The following IDE variants were observed in gnomAD, a reference collection of about 807,000 sequenced individuals.
IDE encodes insulin degrading enzyme.
A neutral mutation model predicts 133.2 loss-of-function variants in IDE; 58 were observed. The ratio of observed to expected loss-of-function variants is 0.44; its 90% CI spans 0.35 to 0.54. IDE has a LOEUF of 0.54. Among genes scored for constraint, IDE ranks in the 20% least tolerant of loss-of-function variants. IDE has a pLI of 0.00. For missense variants in IDE, 981 were observed against 1,234.0 expected (o/e 0.79, Z 3.07); for synonymous variants, 396 against 421.3 (o/e 0.94, Z 0.73).
intron 4 of IDE, among the ~76,000 whole-genome samples, chr10:92,530,032 C>A (rs1380472213): frequency 2.4e-4 from 37 of 151,986 alleles, no homozygotes. Context: ...TTGAGACCAG[C>A]CTGACCAACA....
At chr10:92,476,044 C>A in intron 15 of IDE, 50 bp from the exon 16 acceptor site, 1 of 760,410 alleles carries the variant, frequency 1.3e-6, no homozygotes, top group East Asian at 2.7e-5. Flanking sequence ...CACAAAACAA[C>A]TTCCAAATAA....
chr10:92,573,780 A>G (rs914175749), intron 1 of IDE, 142 bp downstream of exon 1: 41 of 598,310 alleles, frequency 6.9e-5, no homozygotes, highest in Non-Finnish European at 9.7e-5. Flanking sequence ...TCAGCGCGGC[A>G]GTACGGGCCC....
At chr10:92,559,803 T>C (rs2135800674) in intron 1 of IDE, among the ~76,000 whole-genome samples, 1 of 150,294 alleles carries the variant, frequency 6.7e-6, no homozygotes, top group African/African-American at 2.5e-5. Context: ...AATGGTGTAA[T>C]CATGGCTCAT....
At chr10:92,538,342 ACATAGGGAACAACTCC>A (rs1343805487) in intron 1 of IDE, among the ~76,000 whole-genome samples, 3 of 152,254 alleles carry the variant, frequency 2.0e-5, no homozygotes, top group Admixed American at 6.5e-5. Flanking sequence ...CATGCTCAGA[ACATAGGGAACAACTCC>A]CATAGGGAAC....
chr10:92,492,971 T>C (rs577815497), intron 11 of IDE, among the ~76,000 whole-genome samples: 5 of 152,318 alleles, frequency 3.3e-5, no homozygotes, highest in African/African-American at 1.2e-4. Flanking sequence ...CTTCCAGCTG[T>C]AGGTGTTCCT....
At chr10:92,513,936 A>G (rs2135564582) in intron 5 of IDE, among the ~76,000 whole-genome samples, 1 of 152,296 alleles carries the variant, frequency 6.6e-6, no homozygotes, top group South Asian at 2.1e-4. Flanking sequence ...TACTATAAAG[A>G]AAAAGCAGGT....
At position 92,455,562 on chromosome 10, in the gene IDE, G is replaced by A. The variant is rs780078518; in HGVS notation, c.2964+14C>T. ...CTCTGTCAGTACAATCTAACATAAC[G>A]TTATATTTCTTACTTGTGGCAAGGC... On this transcript the variant is annotated intron_variant, in intron 24 of 24. Transcript: ENST00000265986. The A allele has an allele frequency of 9.4e-5, 140 of 1,492,500 alleles. No homozygotes were observed. Among genetic ancestry groups the A allele is most frequent in the South Asian group, 4.3e-4 (38 of 88,158 alleles). The allele number at this position is 1,492,500 out of a possible 1,614,324, so 92.5% of individuals were successfully genotyped here.
chr10:92,479,450 C>G (rs762605156), intron 14 of IDE, 29 bp from the exon 15 acceptor site: 6 of 1,562,122 alleles, frequency 3.8e-6, no homozygotes, highest in African/African-American at 1.4e-5. Context: ...AGTAAAATAG[C>G]TGATTTTATT....
At chr10:92,466,834 T>A (rs1366632735) in intron 19 of IDE, among the ~76,000 whole-genome samples, 2 of 151,536 alleles carry the variant, frequency 1.3e-5, no homozygotes, top group African/African-American at 4.9e-5. Context: ...GCCAGGCTGG[T>A]CTCAAACTCC....
At chr10:92,541,222 C>T (rs1295199864) in intron 1 of IDE, 3 of 341,672 alleles carry the variant, frequency 8.8e-6, no homozygotes, top group South Asian at 2.3e-5. Context: ...CTATTCCTGG[C>T]AATCCTATTC....
intron 6 of IDE, 75 bp from the exon 7 acceptor site, chr10:92,508,965 G>T: frequency 1.6e-6 from 2 of 1,214,716 alleles, no homozygotes; most frequent in Non-Finnish European, 2.4e-6. Flanking sequence ...TATGAAGAAT[G>T]ATTTTCATGG....
intron 11 of IDE, among the ~76,000 whole-genome samples, chr10:92,493,146 T>C (rs1221756449): frequency 6.6e-6 from 1 of 152,168 alleles, no homozygotes; most frequent in Admixed American, 6.5e-5. Context: ...AGAATCCCGT[T>C]TGAGGTGTAT....
At chr10:92,532,985 T>C (rs1208780615) in intron 3 of IDE, among the ~76,000 whole-genome samples, 1 of 152,328 alleles carries the variant, frequency 6.6e-6, no homozygotes, top group South Asian at 2.1e-4. Flanking sequence ...TCTATCTATC[T>C]GGAGTCTATA....
intron 1 of IDE, among the ~76,000 whole-genome samples, chr10:92,554,051 T>C (rs1336554798): frequency 6.6e-6 from 1 of 152,188 alleles, no homozygotes; most frequent in Non-Finnish European, 1.5e-5. Context: ...CCAATATCAC[T>C]GATGAATATT....
At chr10:92,505,856 G>A (rs2135529102) in intron 10 of IDE, among the ~76,000 whole-genome samples, 1 of 152,314 alleles carries the variant, frequency 6.6e-6, no homozygotes, top group South Asian at 2.1e-4. Flanking sequence ...GGAGAGGTGG[G>A]CTGGACAGTG....
chr10:92,565,990 C>T (rs1040894446), intron 1 of IDE, among the ~76,000 whole-genome samples: 4 of 143,814 alleles, frequency 2.8e-5, no homozygotes, highest in Non-Finnish European at 4.6e-5. Flanking sequence ...GCTTCAATAT[C>T]CTTATCTGAA....
In IDE at chr10:92,487,282, G is replaced by A. The variant is rs1471469075; in HGVS notation, c.1570C>T (p.Leu524Phe). 3.7e-6 allele frequency: 6 copies of A among 1,611,926 alleles called. No homozygotes were observed. The East Asian group carries it at 1.3e-4, about 36-fold the overall frequency. Residue 524 changes from leucine (L) to phenylalanine (F), a missense_variant, in exon 13 of 25, where the codon CTT (leucine) becomes TTT (phenylalanine). Leu to Phe is a conservative substitution (Grantham distance 22). This residue lies in a region of IDE where 660 missense variants were observed against 894.7 expected (regional missense o/e 0.74). Coordinates refer to ENST00000265986, the MANE Select transcript of IDE (RefSeq NM_004969.4). ...QNADLNGKFK[L>F]PTKNEFIPTN... ...GGAATAAATTCATTCTTTGTAGGAA[G>A]TTTAAATTTCCCATTCAGGTCAGCA...
chr10:92,456,398 T>C lies in IDE; in HGVS notation c.2857A>G (p.Lys953Glu). Residue 953 changes from lysine to glutamate, a missense_variant, in exon 23 of 25, where the codon AAG becomes GAG. Lys to Glu is a moderately conservative substitution (Grantham distance 56). Around this residue, in one of 2 missense-constraint regions of IDE, gnomAD observed 660 missense variants for 894.7 expected, o/e 0.74. Transcript: ENST00000265986. The stretch of plus-strand genomic sequence containing the variant: ...CTGGCAAGAACATGGACGGATACCT[T>C]ATGTCTCCTTGGAGCATCTACTGCC... Reference protein sequence around the residue: ...MLAVDAPRRHKVSVHVLAREM... With the variant: ...MLAVDAPRRHEVSVHVLAREM... 1 of 1,613,914 alleles carries C rather than the reference T, an allele frequency of 6.2e-7. No homozygotes were observed. The highest frequency in any genetic ancestry group is 8.5e-7 in the Non-Finnish European group (1 of 1,179,778).
In IDE at chr10:92,505,206, C is replaced by T. The variant is rs532990681; in HGVS notation, c.1327-309G>A. ...AATGTTTCTGGTTAAAAACTGAGTA[C>T]TTGTTAATGAAGAAAATTCGATATT... On this transcript the variant is annotated intron_variant, in intron 10 of 24. Transcript: ENST00000265986. Among the ~76,000 whole-genome samples, 56 of 152,286 alleles carry T rather than the reference C, an allele frequency of 3.7e-4. 1 individual carries two copies. In the Middle Eastern group the frequency reaches 0.014, roughly 37 times the overall value.
Sources: gnomAD v4.1 joint callset for allele counts (sites outside exome capture counted in the v4.1 genomes callset) on GRCh38, gnomAD v4.1.1 for gene constraint, gnomAD v4.1.1 regional missense constraint, MANE v1.5 for transcripts, NCBI Gene and HGNC (gene_info 2026-07-23, HGNC 2026-07-21) for gene names.